DENND2A: variants seen among roughly 807,000 people sequenced by gnomAD.
DENND2A encodes DENN domain-containing protein 2A.
DENND2A carries 53 observed loss-of-function variants against 105.3 expected under a neutral mutation model. The observed-to-expected ratio is 0.50, with a 90% CI of 0.40 to 0.63. The LOEUF is 0.63. DENND2A is among the 30% of genes least tolerant of loss of function. The probability of loss-of-function intolerance (pLI) is 0.00; values close to 1 mark genes in which losing one functional copy is unlikely to be tolerated. For missense variants in DENND2A, 1,138 were observed against 1,279.6 expected (o/e 0.89, Z 1.69); for synonymous variants, 522 against 508.4 (o/e 1.03, Z -0.36).
At chr7:140,623,768 C>G (rs1285627497) in intron 1 of DENND2A, among the ~76,000 whole-genome samples, 1 of 150,962 alleles carries the variant, frequency 6.6e-6, no homozygotes, top group African/African-American at 2.4e-5. Flanking sequence ...ACAGGAAGAT[C>G]TGCTGAACCC....
At chr7:140,537,681 GTTTT>G (rs1201441283) in intron 14 of DENND2A, among the ~76,000 whole-genome samples, 2 of 151,674 alleles carry the variant, frequency 1.3e-5, no homozygotes, top group Admixed American at 6.6e-5. Context: ...TTGTTTGTTT[GTTTT>G]AAGAGATGGG....
intron 3 of DENND2A, among the ~76,000 whole-genome samples, chr7:140,591,891 TTTC>T (rs1234151804): frequency 8.9e-6 from 1 of 112,394 alleles, no homozygotes; most frequent in African/African-American, 4.3e-5. Context: ...TCTTTCTTTC[TTTC>T]TTTTTCTTCC....
intron 2 of DENND2A, among the ~76,000 whole-genome samples, chr7:140,603,166 C>T (rs1799578478): frequency 6.6e-6 from 1 of 151,598 alleles, no homozygotes; most frequent in Non-Finnish European, 1.5e-5. Context: ...CCTGTAATCC[C>T]AGCTACTCAC....
At chr7:140,587,543 T>C in intron 4 of DENND2A, 110 bp downstream of exon 4, 1 of 1,418,136 alleles carries the variant, frequency 7.1e-7, no homozygotes, top group Non-Finnish European at 9.7e-7. Flanking sequence ...TCTTCAAGTG[T>C]GTGTGTGTGT....
intron 1 of DENND2A, among the ~76,000 whole-genome samples, chr7:140,611,176 G>A (rs2908238): frequency 0.062 from 9,435 of 152,124 alleles, 402 homozygotes; most frequent in Admixed American, 0.14. Flanking sequence ...CAAGTAGCTG[G>A]GATTACAGGC....
intron 1 of DENND2A, among the ~76,000 whole-genome samples, chr7:140,619,928 C>T (rs1403463615): frequency 6.6e-6 from 1 of 151,986 alleles, no homozygotes; most frequent in Non-Finnish European, 1.5e-5. Flanking sequence ...TGCAGTGACT[C>T]ACGCCTGTAA....
chr7:140,532,105 A>G (rs1344842994), intron 14 of DENND2A, among the ~76,000 whole-genome samples: 1 of 151,968 alleles, frequency 6.6e-6, no homozygotes. Context: ...TCTACTGAAA[A>G]TACAAAAAAA....
At chr7:140,546,156 A>C (rs1020402202) in intron 13 of DENND2A, among the ~76,000 whole-genome samples, 1 of 152,206 alleles carries the variant, frequency 6.6e-6, no homozygotes, top group African/African-American at 2.4e-5. Flanking sequence ...GCGGTGGCTC[A>C]CGCCTGTAAT....
intron 19 of DENND2A, among the ~76,000 whole-genome samples, chr7:140,519,094 C>G (rs190331642): frequency 3.9e-5 from 6 of 152,186 alleles, no homozygotes; most frequent in Non-Finnish European, 7.4e-5. Flanking sequence ...GGTAGCCCTC[C>G]GTCCTGCAGG....
intron 14 of DENND2A, among the ~76,000 whole-genome samples, chr7:140,536,740 C>CG: frequency 6.6e-6 from 1 of 152,150 alleles, no homozygotes; most frequent in East Asian, 1.9e-4. Context: ...TCTTGGCTTA[C>CG]TGCAGCCTCC....
chr7:140,603,799 A>C (rs1585738842), intron 2 of DENND2A, among the ~76,000 whole-genome samples: 1 of 152,190 alleles, frequency 6.6e-6, no homozygotes, highest in Non-Finnish European at 1.5e-5. Context: ...TTCCTCAGTT[A>C]CACCTGCCAC....
At chr7:140,594,463 G>A (rs1799202081) in intron 3 of DENND2A, among the ~76,000 whole-genome samples, 1 of 152,008 alleles carries the variant, frequency 6.6e-6, no homozygotes, top group Non-Finnish European at 1.5e-5. Flanking sequence ...CCTCCCGCTG[G>A]CCCGAGCGTC....
chr7:140,609,061 G>A lies in DENND2A; in HGVS notation c.-247-3255C>T, dbSNP rs137909846. On this transcript the variant is annotated intron_variant, in intron 1 of 19. Coordinates refer to ENST00000496613, the MANE Select transcript of DENND2A (RefSeq NM_015689.5). Reference sequence around the variant, plus strand: ...AGCTTGAGTTTTTACACAACCCAAGGTTCCTTATTTCTTTTTAGACAATTT... The same window carrying A: ...AGCTTGAGTTTTTACACAACCCAAGATTCCTTATTTCTTTTTAGACAATTT... Among the ~76,000 whole-genome samples the A allele has an allele frequency of 2.0e-3, 302 of 152,252 alleles. 1 individual carries two copies. The highest frequency in any genetic ancestry group is 7.0e-3 in the African/African-American group (290 of 41,542).
intron 12 of DENND2A, among the ~76,000 whole-genome samples, chr7:140,548,388 G>T (rs1393680497): frequency 6.6e-6 from 1 of 151,634 alleles, no homozygotes; most frequent in African/African-American, 2.4e-5. Flanking sequence ...TGGGTGAGAT[G>T]GCACACACCT....
intron 3 of DENND2A, among the ~76,000 whole-genome samples, chr7:140,600,578 A>G (rs1302275835): frequency 6.6e-6 from 1 of 152,200 alleles, no homozygotes; most frequent in African/African-American, 2.4e-5. Flanking sequence ...AGAGGGGCCA[A>G]TTAAGAAAAA....
intron 1 of DENND2A, among the ~76,000 whole-genome samples, chr7:140,629,723 G>A (rs539002184): frequency 7.9e-5 from 12 of 152,228 alleles, no homozygotes; most frequent in South Asian, 4.2e-4. Context: ...GGGAGGGAGC[G>A]ATGAAACTGA....
At chr7:140,597,418 A>C (rs914129391) in intron 3 of DENND2A, among the ~76,000 whole-genome samples, 1 of 152,214 alleles carries the variant, frequency 6.6e-6, no homozygotes, top group African/African-American at 2.4e-5. Flanking sequence ...ATAGGACCAC[A>C]ATAAAGAGCA....
At chr7:140,555,736 G>C (rs779842025) in intron 11 of DENND2A, 23 bp from the exon 12 acceptor site, 1 of 1,579,122 alleles carries the variant, frequency 6.3e-7, no homozygotes, top group Non-Finnish European at 8.6e-7. Flanking sequence ...AAACACAAGG[G>C]AATTATGAGT....
chr7:140,620,644 T>A (rs1332282764), intron 1 of DENND2A, among the ~76,000 whole-genome samples: 2 of 152,248 alleles, frequency 1.3e-5, no homozygotes, highest in Non-Finnish European at 2.9e-5. Flanking sequence ...GCCCAGCAAG[T>A]CCCACAGCTG....
Sources: allele counts gnomAD v4.1 joint callset (sites outside exome capture counted in the v4.1 genomes callset), GRCh38; gene constraint gnomAD v4.1.1; transcripts MANE v1.5; gene names NCBI Gene and HGNC (gene_info 2026-07-23, HGNC 2026-07-21).